Variants in ANKFN1 observed in about 807,000 individuals in gnomAD.
ANKFN1 encodes the protein ankyrin repeat and fibronectin type-III domain-containing protein 1.
A neutral mutation model predicts 108.7 loss-of-function variants in ANKFN1; 74 were observed. That is an observed-to-expected ratio of 0.68 (90% CI 0.56 to 0.83). The LOEUF is 0.83. Ranked by LOEUF, ANKFN1 falls within the 40% of genes least tolerant of loss-of-function variation. The pLI is 0.00. For synonymous variants in ANKFN1, 547 were observed against 516.2 expected, an observed-to-expected ratio of 1.06 and a Z score of -0.81; for missense variants, 1,505 against 1,382.3, an observed-to-expected ratio of 1.09 and a Z score of -1.41.
Position 56,255,284 on chromosome 17 carries a change from G to T in ANKFN1, c.53+27327G>T, listed in dbSNP as rs1001994876. 2.0e-5 allele frequency among the ~76,000 whole-genome samples: 3 copies of T among 152,262 alleles called. No individual in the cohort carries two copies. In the South Asian group the frequency reaches 6.2e-4, roughly 32 times the overall value. On this transcript the variant is annotated intron_variant, in intron 3 of 20. Coordinates refer to ENST00000682825, the MANE Select transcript of ANKFN1 (RefSeq NM_001370326.1). ...GATTGGTGGCTTGGGATGCAGAGGG[G>T]ATAGAGTCAGAAGTAAGTCTCAGCT...
chr17:56,365,809 T>C (rs114360369), intron 6 of ANKFN1, among the ~76,000 whole-genome samples: 119 of 152,332 alleles, frequency 7.8e-4, no homozygotes, highest in African/African-American at 2.4e-3. Context: ...CATATAAAAG[T>C]ATGGCACATA....
chr17:56,381,095 A>G (rs1012160050), intron 8 of ANKFN1, among the ~76,000 whole-genome samples: 1 of 152,220 alleles, frequency 6.6e-6, no homozygotes, highest in Admixed American at 6.5e-5. Context: ...CAAAACTTCC[A>G]GAGGAACGAT....
upstream of ANKFN1, among the ~76,000 whole-genome samples, chr17:56,151,990 AG>A (rs1908654074): frequency 6.9e-5 from 1 of 14,596 alleles, no homozygotes; most frequent in Non-Finnish European, 1.6e-4. Context: ...AGTATTAAAG[AG>A]TTTTTTTTAA....
intron 5 of ANKFN1, 89 bp from the exon 6 acceptor site, chr17:56,353,747 C>A: frequency 8.4e-7 from 1 of 1,196,808 alleles, no homozygotes; most frequent in East Asian, 2.4e-5. Flanking sequence ...CATGCAGTCC[C>A]TGAAACAGTC....
At chr17:56,321,295 A>AT (rs1174126293) in intron 3 of ANKFN1, among the ~76,000 whole-genome samples, 1 of 151,952 alleles carries the variant, frequency 6.6e-6, no homozygotes, top group African/African-American at 2.4e-5. Context: ...AGCACATTTT[A>AT]TTTTTAAAAA....
At chr17:56,189,132 A>G (rs1030017672) in intron 1 of ANKFN1, among the ~76,000 whole-genome samples, 1 of 148,964 alleles carries the variant, frequency 6.7e-6, no homozygotes, top group Non-Finnish European at 1.5e-5. Flanking sequence ...ATTCTTTATA[A>G]TCAACTAGTA....
In ANKFN1 at chr17:56,286,960, T is replaced by C. The variant is rs76572561; in HGVS notation, c.54-39261T>C. On this transcript the variant is annotated intron_variant, in intron 3 of 20. Coordinates refer to ENST00000682825, the MANE Select transcript of ANKFN1 (RefSeq NM_001370326.1). ...AGGGTCACCATTCTTGTTACCCTCT[T>C]CTATCAAAATTTTCCTAGGATGAGT... 8.5e-5 allele frequency among the ~76,000 whole-genome samples: 13 copies of C among 152,064 alleles called. No individual in the cohort carries two copies. In the East Asian group the frequency reaches 1.9e-3, roughly 23 times the overall value.
chr17:56,119,521 T>C (rs926694163), intron 4 of ANKFN1, among the ~76,000 whole-genome samples: 5 of 152,102 alleles, frequency 3.3e-5, no homozygotes, highest in Non-Finnish European at 7.4e-5. Context: ...ATAACTCTTT[T>C]TAAAAGCTTG....
intron 4 of ANKFN1, among the ~76,000 whole-genome samples, chr17:56,087,297 G>T (rs1473845881): frequency 6.6e-6 from 1 of 151,352 alleles, no homozygotes. Flanking sequence ...GGCACTGTGG[G>T]CTACACAGTA....
At chr17:56,495,334 T>TCTCTCTCTCA (rs1236641914) in intron 19 of ANKFN1, among the ~76,000 whole-genome samples, 1 of 151,550 alleles carries the variant, frequency 6.6e-6, no homozygotes, top group Non-Finnish European at 1.5e-5. Flanking sequence ...TCTCTCTCTC[T>TCTCTCTCTCA]CTCACTCACT....
rs60304505 is a variant in ANKFN1 at position 56,170,774 on chromosome 17, T to TTATATATA, written c.-71+17271_-71+17278dup. On this transcript the variant is annotated intron_variant, in intron 1 of 20. Coordinates refer to ENST00000682825, the MANE Select transcript of ANKFN1 (RefSeq NM_001370326.1). Reference sequence around the variant, plus strand: ...TGAGACTCTGTCAAGAAAAAATTTTTTATATATATATATATATATATATAT... The same window carrying TTATATATA: ...TGAGACTCTGTCAAGAAAAAATTTTTTATATATATATATATATATATATATATATATAT... 2.3e-3 allele frequency among the ~76,000 whole-genome samples: 159 copies of TTATATATA among 68,066 alleles called. 3 individuals are homozygous for TTATATATA. The highest frequency in any genetic ancestry group is 2.1e-3 in the African/African-American group (26 of 12,326). 44.7% of individuals were successfully genotyped at this position (68,066 alleles called of 152,430 possible).
At chr17:56,280,036 G>GTTTTTTTTTTTTTT (rs2044034875) in intron 3 of ANKFN1, among the ~76,000 whole-genome samples, 1 of 136,928 alleles carries the variant, frequency 7.3e-6, no homozygotes, top group Admixed American at 7.0e-5. Flanking sequence ...TCAAGACGGA[G>GTTTTTTTTTTTTTT]TTTCTTTTTG....
At chr17:56,479,743 AACATATGTCAGC>A (rs1278107367) in intron 16 of ANKFN1, among the ~76,000 whole-genome samples, 3 of 152,196 alleles carry the variant, frequency 2.0e-5, no homozygotes, top group Non-Finnish European at 2.9e-5. Context: ...CTAGGGTGGG[AACATATGTCAGC>A]ACCTCCTCTC....
chr17:56,135,032 G>A (rs538485041), intron 4 of ANKFN1, among the ~76,000 whole-genome samples: 2 of 152,272 alleles, frequency 1.3e-5, no homozygotes, highest in South Asian at 2.1e-4. Context: ...AGGCCAGAAA[G>A]TAGAACTTAG....
At chr17:56,452,214 T>C (rs1004573794) in intron 11 of ANKFN1, among the ~76,000 whole-genome samples, 3 of 152,194 alleles carry the variant, frequency 2.0e-5, no homozygotes, top group Non-Finnish European at 4.4e-5. Context: ...GTAGGTCACA[T>C]AGTAGGGGCT....
At chr17:56,264,078 A>T (rs1256212338) in intron 3 of ANKFN1, among the ~76,000 whole-genome samples, 2 of 152,220 alleles carry the variant, frequency 1.3e-5, no homozygotes, top group East Asian at 3.8e-4. Context: ...GATAACATAG[A>T]GACCCAAGTT....
intron 4 of ANKFN1, among the ~76,000 whole-genome samples, chr17:56,107,814 G>A (rs533782841): frequency 3.3e-5 from 5 of 152,088 alleles, no homozygotes; most frequent in African/African-American, 7.2e-5. Context: ...GCCCTCAAAC[G>A]CATTCACTGT....
intron 4 of ANKFN1, among the ~76,000 whole-genome samples, chr17:56,052,583 A>G (rs1387748998): frequency 6.6e-6 from 1 of 152,192 alleles, no homozygotes; most frequent in East Asian, 1.9e-4. Context: ...TTTCTGCAAA[A>G]TTATATTCAG....
chr17:56,292,476 T>A (rs961900156), intron 3 of ANKFN1, among the ~76,000 whole-genome samples: 1 of 152,100 alleles, frequency 6.6e-6, no homozygotes, highest in African/African-American at 2.4e-5. Context: ...AAGAAATCTC[T>A]TGGAAGAAAT....
Sources: allele counts gnomAD v4.1 joint callset (sites outside exome capture counted in the v4.1 genomes callset), GRCh38; gene constraint gnomAD v4.1.1; transcripts MANE v1.5; gene names NCBI Gene and HGNC (gene_info 2026-07-23, HGNC 2026-07-21).